The following NUDT4 variants were observed in gnomAD, a reference collection of about 807,000 sequenced individuals.
The protein encoded by NUDT4 is diphosphoinositol polyphosphate phosphohydrolase 2.
Under a neutral mutation model 23.1 loss-of-function variants are expected in NUDT4, and 5 were observed. The ratio of observed to expected loss-of-function variants is 0.22; its 90% CI spans 0.11 to 0.46. The LOEUF is 0.46. NUDT4 is among the 20% of genes least tolerant of loss of function. The pLI is 0.99. For missense variants in NUDT4, 96 were observed against 211.6 expected (o/e 0.45, Z 3.39); for synonymous variants, 50 against 79.0 (o/e 0.63, Z 1.95).
At chr12:93,398,359 AGAAAAG>A (rs1432196143) in intron 3 of NUDT4, among the ~76,000 whole-genome samples, 34 of 138,380 alleles carry the variant, frequency 2.5e-4, no homozygotes, top group African/African-American at 1.1e-3. Context: ...AAAAAAAAAA[AGAAAAG>A]AACATCAGAT....
rs942068999 is a variant in NUDT4 at position 93,406,842 on chromosome 12, A to C, written c.*7463A>C. 6.6e-6 allele frequency: 1 copy of C among 152,240 alleles called. No individual in the cohort carries two copies. The highest frequency in any genetic ancestry group is 2.4e-5 in the African/African-American group (1 of 41,460). 9.4% of individuals were successfully genotyped at this position (152,240 alleles called of 1,614,324 possible). ...GGAAGTCCTAGAACCAGTTCCCGAC[A>C]AATACCAAGAGATGACTTTACTTTA... On this transcript the variant is annotated 3_prime_UTR_variant, in exon 5 of 5. Transcript: ENST00000415493.
chr12:93,378,616 A>T (rs997805370), intron 1 of NUDT4, 195 bp downstream of exon 1: 1 of 1,225,016 alleles, frequency 8.2e-7, no homozygotes, highest in African/African-American at 1.6e-5. Flanking sequence ...AGATGAGACA[A>T]AGGGGGCTCG....
At chr12:93,385,782 T>C (rs534068078) in intron 1 of NUDT4, among the ~76,000 whole-genome samples, 1 of 151,774 alleles carries the variant, frequency 6.6e-6, no homozygotes, top group Non-Finnish European at 1.5e-5. Context: ...GAAATCAATA[T>C]TATTGCAAGA....
chr12:93,386,616 C>T (rs934520697), intron 1 of NUDT4, among the ~76,000 whole-genome samples: 10 of 151,820 alleles, frequency 6.6e-5, no homozygotes, highest in African/African-American at 2.4e-4. Context: ...TTGAGTTTTC[C>T]CACAGAGTTT....
In NUDT4 at chr12:93,395,538, G is replaced by C; in HGVS notation, c.255+5G>C. The C allele has an allele frequency of 6.2e-7, 1 of 1,601,740 alleles. No homozygotes were observed. Among genetic ancestry groups the C allele is most frequent in the Non-Finnish European group, 8.6e-7 (1 of 1,169,022 alleles). On this transcript the variant is annotated splice_donor_5th_base_variant and intron_variant, in intron 3 of 4. Transcript: ENST00000415493. ...AGACTTCTGGGCATATTTGAGGTGA[G>C]TTAAAAAGTAATCTTCACTTTGCTG...
At chr12:93,379,531 TG>T (rs1404087411) in intron 1 of NUDT4, among the ~76,000 whole-genome samples, 1 of 152,258 alleles carries the variant, frequency 6.6e-6, no homozygotes, top group Non-Finnish European at 1.5e-5. Flanking sequence ...GTTCTTGTTA[TG>T]TTAACGAAAA....
chr12:93,389,783 C>T (rs1592720446), intron 1 of NUDT4, among the ~76,000 whole-genome samples: 1 of 151,684 alleles, frequency 6.6e-6, no homozygotes, highest in East Asian at 1.9e-4. Flanking sequence ...AGCCTGTAAT[C>T]CCAGCTACTC....
chr12:93,382,981 A>G (rs1875795577), intron 1 of NUDT4, among the ~76,000 whole-genome samples: 1 of 152,008 alleles, frequency 6.6e-6, no homozygotes, highest in African/African-American at 2.4e-5. Flanking sequence ...TTTTAAACAC[A>G]GGGAAGTGTC....
At chr12:93,394,891 A>G (rs1415990401) in intron 2 of NUDT4, among the ~76,000 whole-genome samples, 172 bp downstream of exon 2, 1 of 151,770 alleles carries the variant, frequency 6.6e-6, no homozygotes, top group African/African-American at 2.4e-5. Context: ...CTCTGTTGCC[A>G]GGCCTGGAGT....
At chr12:93,397,378 T>G (rs1877008148) in intron 3 of NUDT4, among the ~76,000 whole-genome samples, 1 of 152,174 alleles carries the variant, frequency 6.6e-6, no homozygotes, top group African/African-American at 2.4e-5. Context: ...CTGTTTTGAG[T>G]AGATTTTTCA....
rs11315217 is a variant in NUDT4 at position 93,382,674 on chromosome 12, C to CTTTTTTTTT, written c.99+4265_99+4273dup. On this transcript the variant is annotated intron_variant, in intron 1 of 4. Transcript: ENST00000415493. ...AAAATAAGTACTATCCAAAGGTAGC[C>CTTTTTTTTT]TTTTTTTTTTTTTTTTTTTTGAGAC... Among the ~76,000 whole-genome samples, 316 of 111,632 alleles carry CTTTTTTTTT rather than the reference C, an allele frequency of 2.8e-3. 17 individuals are homozygous for CTTTTTTTTT. Among genetic ancestry groups the CTTTTTTTTT allele is most frequent in the African/African-American group, 0.01 (288 of 28,460 alleles). The allele number at this position is 111,632 out of a possible 152,430, so 73.2% of individuals were successfully genotyped here. A position where few individuals can be genotyped will look rare whatever the true frequency, so the allele number is the denominator to read the frequency against.
chr12:93,385,229 G>C (rs1341397853), intron 1 of NUDT4: 2 of 152,230 alleles, frequency 1.3e-5, no homozygotes, highest in African/African-American at 4.8e-5. Flanking sequence ...TAGTAGAGTA[G>C]TAGGAAGAAA....
At chr12:93,386,988 C>T (rs1349439483) in intron 1 of NUDT4, among the ~76,000 whole-genome samples, 1 of 152,120 alleles carries the variant, frequency 6.6e-6, no homozygotes, top group East Asian at 1.9e-4. Flanking sequence ...GGCTGGAATG[C>T]AGTTGCGCTA....
intron 1 of NUDT4, among the ~76,000 whole-genome samples, chr12:93,387,719 A>C (rs929022076): frequency 3.9e-5 from 6 of 152,146 alleles, no homozygotes; most frequent in African/African-American, 1.2e-4. Flanking sequence ...TTCCAAGTGC[A>C]TGACAGACCC....
At chr12:93,394,518 TAG>T (rs1876790161) in intron 1 of NUDT4, 89 bp from the exon 2 acceptor site, 2 of 675,146 alleles carry the variant, frequency 3.0e-6, no homozygotes, top group Admixed American at 5.4e-5. Flanking sequence ...TAATCTAGAA[TAG>T]AGTTATAACC....
intron 1 of NUDT4, among the ~76,000 whole-genome samples, chr12:93,387,960 C>T (rs528432853): frequency 1.3e-5 from 2 of 152,220 alleles, no homozygotes; most frequent in African/African-American, 2.4e-5. Context: ...CTTCTCCCCA[C>T]CACCACCCCC....
Position 93,394,160 on chromosome 12 carries a change from G to A in NUDT4, c.100-449G>A, listed in dbSNP as rs1876758460. On this transcript the variant is annotated intron_variant, in intron 1 of 4. Transcript: ENST00000415493. ...TGGGACTATAGGCGCCCGCCACCAT[G>A]CCTGGCTAATTTTTTTAGTAGAGAC... Among the ~76,000 whole-genome samples the A allele has an allele frequency of 4.0e-5, 6 of 151,886 alleles. No individual in the cohort carries two copies. The South Asian group carries it at 8.3e-4, about 21-fold the overall frequency.
Position 93,404,729 on chromosome 12 carries a change from T to TAGTC in NUDT4, c.*5352_*5355dup, listed in dbSNP as rs548905793. 92 of 152,288 alleles carry TAGTC rather than the reference T, an allele frequency of 6.0e-4. No individual in the cohort carries two copies. The highest frequency in any genetic ancestry group is 2.0e-3 in the African/African-American group (84 of 41,544). 9.4% of individuals were successfully genotyped at this position (152,288 alleles called of 1,614,324 possible). A position where few individuals can be genotyped will look rare whatever the true frequency, so the allele number is the denominator to read the frequency against. On this transcript the variant is annotated 3_prime_UTR_variant, in exon 5 of 5. Transcript: ENST00000415493. ...TGTATTGGCATACACTGAAAAAGCT[T>TAGTC]AGTCACTTAAAATGAGGTTGTACAG...
rs937811428 is a variant in NUDT4 at position 93,404,883 on chromosome 12, T to C, written c.*5504T>C. The C allele has an allele frequency of 6.6e-6, 1 of 151,272 alleles. No individual in the cohort carries two copies. The highest frequency in any genetic ancestry group is 2.5e-5 in the African/African-American group (1 of 40,774). The allele number at this position is 151,272 out of a possible 1,614,324, so 9.4% of individuals were successfully genotyped here. A position where few individuals can be genotyped will look rare whatever the true frequency, so the allele number is the denominator to read the frequency against. ...ACTGCCTGTTTGTACGGCCAACAAGTTTAAAATTTTTTTAATGTTTTAGGT... is the reference window on the plus strand; with the variant it reads ...ACTGCCTGTTTGTACGGCCAACAAGCTTAAAATTTTTTTAATGTTTTAGGT... On this transcript the variant is annotated 3_prime_UTR_variant, in exon 5 of 5. Coordinates refer to ENST00000415493, the MANE Select transcript of NUDT4 (RefSeq NM_019094.6).
Sources: gnomAD v4.1 joint callset for allele counts (sites outside exome capture counted in the v4.1 genomes callset) on GRCh38, gnomAD v4.1.1 for gene constraint, MANE v1.5 for transcripts, NCBI Gene and HGNC (gene_info 2026-07-23, HGNC 2026-07-21) for gene names.